TRHDE: variants seen among roughly 807,000 people sequenced by gnomAD.
TRHDE encodes thyrotropin-releasing hormone-degrading ectoenzyme.
TRHDE carries 72 observed loss-of-function variants against 125.7 expected under a neutral mutation model. The observed-to-expected ratio is 0.57, with a 90% CI of 0.47 to 0.70. The LOEUF (loss-of-function observed/expected upper bound fraction) is 0.70. Ranked by LOEUF, TRHDE falls within the 30% of genes least tolerant of loss-of-function variation. The pLI is 0.00. For synonymous variants in TRHDE, 509 were observed against 509.1 expected, an observed-to-expected ratio of 1.00 and a Z score of 0.00; for missense variants, 1,110 against 1,327.1, an observed-to-expected ratio of 0.84 and a Z score of 2.54.
At chr12:72,126,330 C>A (rs565337976) in intron 2 of TRHDE, among the ~76,000 whole-genome samples, 2 of 152,088 alleles carry the variant, frequency 1.3e-5, no homozygotes, top group Non-Finnish European at 2.9e-5. Flanking sequence ...CTACAAATGC[C>A]ATTCTTCACA....
chr12:72,367,424 C>T (rs1328390849), intron 2 of TRHDE, among the ~76,000 whole-genome samples: 1 of 152,086 alleles, frequency 6.6e-6, no homozygotes, highest in Non-Finnish European at 1.5e-5. Flanking sequence ...GGGCCAGTGC[C>T]TTCCCCTTCC....
At chr12:72,502,141 CTT>C (rs1172927605) in intron 6 of TRHDE, among the ~76,000 whole-genome samples, 2 of 151,862 alleles carry the variant, frequency 1.3e-5, no homozygotes, top group Non-Finnish European at 1.5e-5. Flanking sequence ...GATTTTCTCT[CTT>C]GTTTTCTATT....
At chr12:72,320,851 T>C (rs1213619049) in intron 2 of TRHDE, among the ~76,000 whole-genome samples, 1 of 152,036 alleles carries the variant, frequency 6.6e-6, no homozygotes, top group African/African-American at 2.4e-5. Flanking sequence ...GCATTGCGAG[T>C]TTTGCATTTC....
At chr12:72,601,590 G>T (rs1160233498) in intron 12 of TRHDE, among the ~76,000 whole-genome samples, 2 of 152,214 alleles carry the variant, frequency 1.3e-5, no homozygotes, top group East Asian at 3.9e-4. Flanking sequence ...GTCAATCAAT[G>T]CAGCAAACGT....
intron 3 of TRHDE, among the ~76,000 whole-genome samples, chr12:72,382,111 T>C (rs552249267): frequency 6.6e-6 from 1 of 152,184 alleles, no homozygotes; most frequent in South Asian, 2.1e-4. Context: ...AGCGGGAGCA[T>C]GTAGTTGATA....
At chr12:72,495,126 G>A (rs964004226) in intron 5 of TRHDE, among the ~76,000 whole-genome samples, 2 of 114,944 alleles carry the variant, frequency 1.7e-5, no homozygotes, top group South Asian at 2.9e-4. Flanking sequence ...TTATCTCTGA[G>A]TATTTCCTCT....
chr12:72,224,766 G>A (rs145102711), intron 2 of TRHDE, among the ~76,000 whole-genome samples: 93 of 152,208 alleles, frequency 6.1e-4, no homozygotes, highest in South Asian at 3.1e-3. Flanking sequence ...TGCAGCATTT[G>A]TATTTTATAA....
rs566758070 is a variant in TRHDE at position 72,660,450 on chromosome 12, C to T, written c.3067-2602C>T. On this transcript the variant is annotated intron_variant, in intron 18 of 18. Coordinates refer to ENST00000261180, the MANE Select transcript of TRHDE (RefSeq NM_013381.3). ...CTCCCTTTTGCAGTCTGATAAGGAA[C>T]GGGTGCCTTCCCTGGCACTGGCATT... 2.6e-3 allele frequency among the ~76,000 whole-genome samples: 391 copies of T among 152,198 alleles called. 2 individuals carry two copies. The highest frequency in any genetic ancestry group is 8.8e-3 in the African/African-American group (367 of 41,540).
At chr12:72,537,540 A>G (rs1408510315) in intron 6 of TRHDE, among the ~76,000 whole-genome samples, 1 of 151,990 alleles carries the variant, frequency 6.6e-6, no homozygotes, top group Non-Finnish European at 1.5e-5. Context: ...GCCATGTGGA[A>G]CTGTGAGTCA....
intron 6 of TRHDE, among the ~76,000 whole-genome samples, chr12:72,520,447 C>T (rs1002071656): frequency 1.3e-5 from 2 of 152,182 alleles, no homozygotes; most frequent in East Asian, 3.9e-4. Context: ...GGAAAGGGAA[C>T]TCCCTGACCC....
At chr12:72,254,510 A>G (rs4073008) in intron 2 of TRHDE, 30,723 of 151,966 alleles carry the variant, frequency 0.2, 3,326 homozygotes, top group Middle Eastern at 0.36. Flanking sequence ...TTCATTATCT[A>G]TGTTCTACTT....
At chr12:72,593,472 GAAT>G (rs1447528451) in intron 12 of TRHDE, among the ~76,000 whole-genome samples, 1 of 151,766 alleles carries the variant, frequency 6.6e-6, no homozygotes, top group East Asian at 1.9e-4. Context: ...GGACAATAAT[GAAT>G]ATTATACAGG....
chr12:72,269,419 A>C (rs1225233041), upstream of TRHDE, among the ~76,000 whole-genome samples: 1 of 152,190 alleles, frequency 6.6e-6, no homozygotes, highest in East Asian at 1.9e-4. Context: ...TGAAAAAATA[A>C]TCCATTTACT....
intron 12 of TRHDE, among the ~76,000 whole-genome samples, chr12:72,608,416 A>G (rs898411530): frequency 2.0e-5 from 3 of 152,122 alleles, no homozygotes; most frequent in African/African-American, 7.2e-5. Context: ...TACCTGTGTC[A>G]ACAATACTTC....
intron 2 of TRHDE, among the ~76,000 whole-genome samples, chr12:72,191,070 AGCC>A (rs1877328440): frequency 6.6e-6 from 1 of 152,226 alleles, no homozygotes; most frequent in Non-Finnish European, 1.5e-5. Flanking sequence ...TACAACATTG[AGCC>A]AGAATAAATA....
At chr12:72,596,204 C>A (rs559475988) in intron 12 of TRHDE, among the ~76,000 whole-genome samples, 1 of 152,132 alleles carries the variant, frequency 6.6e-6, no homozygotes, top group East Asian at 1.9e-4. Flanking sequence ...ATATCAGTTG[C>A]ATATTATATT....
chr12:72,651,713 T>C (rs1874513721), intron 15 of TRHDE, among the ~76,000 whole-genome samples: 5 of 151,966 alleles, frequency 3.3e-5, no homozygotes, highest in Admixed American at 3.3e-4. Flanking sequence ...CACTATAATA[T>C]TGCATTTTGG....
At chr12:72,374,216 C>A (rs946171973) in intron 2 of TRHDE, among the ~76,000 whole-genome samples, 1 of 151,298 alleles carries the variant, frequency 6.6e-6, no homozygotes, top group Non-Finnish European at 1.5e-5. Flanking sequence ...GATGAACATA[C>A]AGGGGTTGGG....
At chr12:72,591,359 A>G (rs938978673) in intron 12 of TRHDE, among the ~76,000 whole-genome samples, 1 of 152,114 alleles carries the variant, frequency 6.6e-6, no homozygotes, top group Admixed American at 6.6e-5. Flanking sequence ...TTAACTTTTC[A>G]TTTATTTTAT....
Sources: gnomAD v4.1 joint callset for allele counts (sites outside exome capture counted in the v4.1 genomes callset) on GRCh38, gnomAD v4.1.1 for gene constraint, MANE v1.5 for transcripts, NCBI Gene and HGNC (gene_info 2026-07-23, HGNC 2026-07-21) for gene names.